Variants in GABRQ observed in about 807,000 individuals in gnomAD.
GABRQ encodes the protein gamma-aminobutyric acid type A receptor subunit theta, also known as gamma-aminobutyric acid receptor subunit theta.
A neutral mutation model predicts 30.5 loss-of-function variants in GABRQ; 19 were observed. The observed-to-expected ratio is 0.62, with a 90% CI of 0.43 to 0.91. The LOEUF (loss-of-function observed/expected upper bound fraction) is 0.91, where lower values mean the gene tolerates loss of function less well. Among genes scored for constraint, GABRQ ranks in the 40% least tolerant of loss-of-function variants. The pLI is 0.00. For synonymous variants in GABRQ, 187 were observed against 210.2 expected, an observed-to-expected ratio of 0.89 and a Z score of 0.95; for missense variants, 520 against 521.4, an observed-to-expected ratio of 1.00 and a Z score of 0.03.
chrX:152,640,585 C>T, intron 2 of GABRQ, 119 bp downstream of exon 2: 1 of 553,710 alleles, frequency 1.8e-6, no homozygotes, highest in East Asian at 3.3e-5. Flanking sequence ...ACCTGTGCCT[C>T]TCCAGATCCC....
At chrX:152,658,604 C>T (rs1602832495), downstream of GABRQ, among the ~76,000 whole-genome samples, 2 of 112,239 alleles carry the variant, frequency 1.8e-5, no homozygotes, top group East Asian at 5.6e-4. Flanking sequence ...CCCTGCTCCT[C>T]TCAGCCACTG....
intron 1 of GABRQ, 69 bp downstream of exon 1, chrX:152,638,420 C>T: frequency 9.3e-7 from 1 of 1,079,409 alleles, no homozygotes; most frequent in Non-Finnish European, 1.3e-6. Flanking sequence ...CCTCTGGCCT[C>T]TTGGACGGAG....
rs1556820595 is a variant in GABRQ, at chrX:152,653,033, A to T, written c.1651A>T (p.Lys551Ter). 8.3e-7 allele frequency: 1 copy of T among 1,209,420 alleles called. No homozygotes were observed. The highest frequency in any genetic ancestry group is 1.8e-5 in the African/African-American group (1 of 57,110). Reference protein sequence around the residue: ...SDCLAIKEQFKCDTNSTWGLN... With the variant: ...SDCLAIKEQF ...CTGCCTTGCCATTAAGGAGCAATTC[A>T]AGTGTGATACTAACAGTACCTGGGG... Residue 551 changes from lysine (K) to a stop codon, truncating the protein, a stop_gained, in exon 9 of 9, where the codon AAG (lysine) becomes TAG (stop). Transcript: ENST00000598523. LOFTEE classifies it low-confidence loss of function (END_TRUNC).
chrX:152,640,963 C>G (rs1556818331), intron 2 of GABRQ, among the ~76,000 whole-genome samples: 1 of 110,882 alleles, frequency 9.0e-6, no homozygotes, highest in African/African-American at 3.3e-5. Flanking sequence ...CTCCCTCATT[C>G]TCAGTTTATA....
rs186632319 is a variant in GABRQ at position 152,655,920 on chromosome X, G to T, written c.*2639G>T. 1.6e-4 allele frequency: 18 copies of T among 112,237 alleles called. No individual in the cohort carries two copies. Among genetic ancestry groups the T allele is most frequent in the African/African-American group, 5.2e-4 (16 of 30,896 alleles). 9.2% of individuals were successfully genotyped at this position (112,237 alleles called of 1,213,427 possible). A position where few individuals can be genotyped will look rare whatever the true frequency, so the allele number is the denominator to read the frequency against. On this transcript the variant is annotated 3_prime_UTR_variant, in exon 9 of 9. Coordinates refer to ENST00000598523, the MANE Select transcript of GABRQ (RefSeq NM_018558.4). ...GCACAGAGGAAGGGCAGCGAGGCCAGTTGTAAATATCTCTATAGATCCATA... is the reference window on the plus strand; with the variant it reads ...GCACAGAGGAAGGGCAGCGAGGCCATTTGTAAATATCTCTATAGATCCATA...
rs148176962 is a variant in GABRQ at position 152,641,199 on chromosome X, G to A, written c.238+733G>A. 8.8e-3 allele frequency among the ~76,000 whole-genome samples: 986 copies of A among 111,821 alleles called. 8 individuals are homozygous for A. Among genetic ancestry groups the A allele is most frequent in the Middle Eastern group, 0.032 (7 of 218 alleles). The stretch of plus-strand genomic sequence containing the variant: ...AATTAGCCTCCCATTTAAAAAGGGC[G>A]ACTAGCCTGGACCACACAGCTTTAA... On this transcript the variant is annotated intron_variant, in intron 2 of 8. Coordinates refer to ENST00000598523, the MANE Select transcript of GABRQ (RefSeq NM_018558.4).
intron 7 of GABRQ, 114 bp downstream of exon 7, chrX:152,650,694 A>G (rs781965407): frequency 1.1e-5 from 6 of 559,034 alleles, no homozygotes; most frequent in East Asian, 3.3e-5. Flanking sequence ...AGGCAAGGAA[A>G]TAAGGATTTT....
At chrX:152,648,049 C>T (rs1194411278) in intron 4 of GABRQ, among the ~76,000 whole-genome samples, 1 of 112,218 alleles carries the variant, frequency 8.9e-6, no homozygotes, top group African/African-American at 3.2e-5. Context: ...TCACTGGTCA[C>T]ACTTGTTCTA....
chrX:152,652,899 C>T lies in GABRQ; in HGVS notation c.1517C>T (p.Ser506Leu), dbSNP rs201961702. 2.4e-4 allele frequency: 285 copies of T among 1,210,532 alleles called. 1 individual carries two copies. The highest frequency in any genetic ancestry group is 6.5e-4 in the Admixed American group (30 of 45,982). Residue 506 changes from serine (S) to leucine (L), a missense_variant, in exon 9 of 9, where the codon TCG (serine) becomes TTG (leucine). Coordinates refer to ENST00000598523, the MANE Select transcript of GABRQ (RefSeq NM_018558.4). ...GAAGATTCCAATGAGAGCTTGAGCT[C>T]GGATGAGCGCCATGGCCATGGCCCC... ...DHEDSNESLS[S>L]DERHGHGPSG...
At position 152,651,521 on chromosome X, in the gene GABRQ, T is replaced by C. The variant is rs41304978; in HGVS notation, c.902-5T>C. On this transcript the variant is annotated splice_polypyrimidine_tract_variant and splice_region_variant and intron_variant, in intron 7 of 8. Transcript: ENST00000598523. ...GAGACTAAGTCTGTACTGTGTTGCT[T>C]ACAGGCTTAACTTCAATGCTCATCC... The C allele has an allele frequency of 8.6e-4, 1,033 of 1,206,099 alleles. 1 individual carries two copies. Among genetic ancestry groups the C allele is most frequent in the Non-Finnish European group, 1.1e-3 (980 of 891,310 alleles).
chrX:152,653,391 C>A lies in GABRQ; in HGVS notation c.*110C>A. 3.6e-6 allele frequency: 2 copies of A among 555,967 alleles called. No homozygotes were observed. The highest frequency in any genetic ancestry group is 3.3e-5 in the East Asian group (1 of 30,368). The allele number at this position is 555,967 out of a possible 1,213,427, so 45.8% of individuals were successfully genotyped here. A position where few individuals can be genotyped will look rare whatever the true frequency, so the allele number is the denominator to read the frequency against. On this transcript the variant is annotated 3_prime_UTR_variant, in exon 9 of 9. Transcript: ENST00000598523. Reference sequence around the variant, plus strand: ...TCCTTTTATTTTGTGGTTATTTGGGCAATCCAATAAGTTCATACTTCTCTT... The same window carrying A: ...TCCTTTTATTTTGTGGTTATTTGGGAAATCCAATAAGTTCATACTTCTCTT...
At chrX:152,641,500 G>C (rs1930756560) in intron 2 of GABRQ, among the ~76,000 whole-genome samples, 1 of 112,289 alleles carries the variant, frequency 8.9e-6, no homozygotes, top group Non-Finnish European at 1.9e-5. Context: ...GACCAGTTTG[G>C]CCTGGGGAGC....
In GABRQ at chrX:152,652,638, C is replaced by T. The variant is rs782799189; in HGVS notation, c.1256C>T (p.Ser419Phe). The T allele has an allele frequency of 1.7e-6, 2 of 1,211,728 alleles. No individual in the cohort carries two copies. The highest frequency in any genetic ancestry group is 5.9e-5 in the East Asian group (2 of 33,824). ...CCGGAAAGCCTCGGTTCTTTGACGT[C>T]CACCTCCGAGCAGGCCCAGCTGGCC... ...ASPESLGSLT[S>F]TSEQAQLATS... The change falls in exon 9 of 9, where the codon TCC becomes TTC. Residue 419 changes from serine to phenylalanine, a missense_variant. By Grantham distance (155) the Ser-to-Phe change is radical. Transcript: ENST00000598523.
rs1233474268 is a variant in GABRQ at position 152,655,497 on chromosome X, A to T, written c.*2216A>T. ...CATGTTTCGGGGTAACAGGCTGGGGAGTGAGGCTGAAAGAGGCATTGAGAA... is the reference window on the plus strand; with the variant it reads ...CATGTTTCGGGGTAACAGGCTGGGGTGTGAGGCTGAAAGAGGCATTGAGAA... On this transcript the variant is annotated 3_prime_UTR_variant, in exon 9 of 9. Coordinates refer to ENST00000598523, the MANE Select transcript of GABRQ (RefSeq NM_018558.4). 2 of 112,738 alleles carry T rather than the reference A, an allele frequency of 1.8e-5. No individual in the cohort carries two copies. The highest frequency in any genetic ancestry group is 6.5e-5 in the African/African-American group (2 of 30,958). 9.3% of individuals were successfully genotyped at this position (112,738 alleles called of 1,213,427 possible). A position where few individuals can be genotyped will look rare whatever the true frequency, so the allele number is the denominator to read the frequency against.
Position 152,656,774 on chromosome X carries a change from C to G in GABRQ, c.*3493C>G, listed in dbSNP as rs782374926. Reference sequence around the variant, plus strand: ...TAATGAATGCATTTATTAAGCTATCCACTCGCATGGTACCCTGCTGTGGTG... The same window carrying G: ...TAATGAATGCATTTATTAAGCTATCGACTCGCATGGTACCCTGCTGTGGTG... On this transcript the variant is annotated 3_prime_UTR_variant, in exon 9 of 9. Coordinates refer to ENST00000598523, the MANE Select transcript of GABRQ (RefSeq NM_018558.4). The G allele has an allele frequency of 4.5e-5, 5 of 112,121 alleles. No individual in the cohort carries two copies. The highest frequency in any genetic ancestry group is 1.6e-4 in the African/African-American group (5 of 30,879). 9.2% of individuals were successfully genotyped at this position (112,121 alleles called of 1,213,427 possible). A position where few individuals can be genotyped will look rare whatever the true frequency, so the allele number is the denominator to read the frequency against.
chrX:152,638,194 G>T lies in GABRQ; in HGVS notation c.-9G>T. On this transcript the variant is annotated 5_prime_UTR_variant, in exon 1 of 9. Transcript: ENST00000598523. ...TCCCGCGCCCTCAGGCGCCCAGAAC[G>T]CCCCGGCCATGGGCATCCGAGGCAT... The T allele has an allele frequency of 8.3e-7, 1 of 1,207,923 alleles. No individual in the cohort carries two copies. Among genetic ancestry groups the T allele is most frequent in the Non-Finnish European group, 1.1e-6 (1 of 893,370 alleles).
At chrX:152,649,459 T>C in intron 5 of GABRQ, 126 bp downstream of exon 5, 1 of 499,236 alleles carries the variant, frequency 2.0e-6, no homozygotes, top group Admixed American at 2.9e-5. Context: ...CCATTCTCTC[T>C]CCCAAAATAA....
rs187433627 is a variant in GABRQ at position 152,645,693 on chromosome X, C to T, written c.306+99C>T. 1.4e-5 allele frequency: 8 copies of T among 552,833 alleles called. No homozygotes were observed. The Admixed American group carries it at 1.8e-4, about 12-fold the overall frequency. 45.6% of individuals were successfully genotyped at this position (552,833 alleles called of 1,213,427 possible). A position where few individuals can be genotyped will look rare whatever the true frequency, so the allele number is the denominator to read the frequency against. ...CCAGTTGTTCTGACCTGTGACAGAA[C>T]TCACATAAAGGAACAAGGTAGGTTT... On this transcript the variant is annotated intron_variant, in intron 3 of 8. Transcript: ENST00000598523.
chrX:152,653,637 T>C lies in GABRQ; in HGVS notation c.*356T>C, dbSNP rs782188364. 6 of 161,257 alleles carry C rather than the reference T, an allele frequency of 3.7e-5. No homozygotes were observed. Among genetic ancestry groups the C allele is most frequent in the Non-Finnish European group, 7.0e-5 (6 of 85,562 alleles). The allele number at this position is 161,257 out of a possible 1,213,427, so 13.3% of individuals were successfully genotyped here. ...GGGGGATGGGGCAAGGATCTGGGCC[T>C]TTTGCCCACAAACATTTCTGGGGGG... On this transcript the variant is annotated 3_prime_UTR_variant, in exon 9 of 9. Coordinates refer to ENST00000598523, the MANE Select transcript of GABRQ (RefSeq NM_018558.4).
Sources: allele counts gnomAD v4.1 joint callset (sites outside exome capture counted in the v4.1 genomes callset), GRCh38; gene constraint gnomAD v4.1.1; transcripts MANE v1.5; gene names NCBI Gene and HGNC (gene_info 2026-07-23, HGNC 2026-07-21).